The following MBD5 variants were observed in gnomAD, a reference collection of about 807,000 sequenced individuals.
MBD5 encodes the protein methyl-CpG binding domain protein 5.
MBD5 carries 13 observed loss-of-function variants against 117.3 expected under a neutral mutation model. That is an observed-to-expected ratio of 0.11 (90% CI 0.07 to 0.18). The LOEUF (loss-of-function observed/expected upper bound fraction) is 0.18. MBD5 is among the 10% of genes least tolerant of loss of function. The pLI is 1.00. For synonymous variants in MBD5, 727 were observed against 766.4 expected, an observed-to-expected ratio of 0.95 and a Z score of 0.85; for missense variants, 1,879 against 2,093.8, an observed-to-expected ratio of 0.90 and a Z score of 2.00.
At chr2:148,057,222 T>G (rs1219408070) in intron 1 of MBD5, among the ~76,000 whole-genome samples, 1 of 151,896 alleles carries the variant, frequency 6.6e-6, no homozygotes, top group Non-Finnish European at 1.5e-5. Context: ...TTTGTAACTG[T>G]CTTTTCTGCC....
intron 4 of MBD5, among the ~76,000 whole-genome samples, chr2:148,373,358 T>C (rs1294826905): frequency 6.6e-6 from 1 of 152,114 alleles, no homozygotes; most frequent in Non-Finnish European, 1.5e-5. Flanking sequence ...GAAGTGCATA[T>C]TGAATAACCA....
At chr2:148,291,338 G>C (rs1434142695) in intron 3 of MBD5, among the ~76,000 whole-genome samples, 1 of 152,116 alleles carries the variant, frequency 6.6e-6, no homozygotes, top group East Asian at 1.9e-4. Context: ...ATGAACATGA[G>C]ATGTCTTTGT....
intron 3 of MBD5, among the ~76,000 whole-genome samples, chr2:148,303,845 T>C (rs1176679831): frequency 6.6e-6 from 1 of 152,166 alleles, no homozygotes; most frequent in Non-Finnish European, 1.5e-5. Context: ...TGTAAGAAAA[T>C]ATTTACTGGT....
chr2:148,142,031 C>A (rs1697329728), intron 1 of MBD5, among the ~76,000 whole-genome samples: 1 of 151,718 alleles, frequency 6.6e-6, no homozygotes, highest in South Asian at 2.1e-4. Context: ...TGGAAGAAAA[C>A]CTATGGAGAA....
chr2:148,483,236 A>T lies in MBD5; in HGVS notation c.2645A>T (p.Gln882Leu), dbSNP rs151173122. 48 of 1,614,108 alleles carry T rather than the reference A, an allele frequency of 3.0e-5. No homozygotes were observed. Among genetic ancestry groups the T allele is most frequent in the Non-Finnish European group, 3.7e-5 (44 of 1,180,020 alleles). ...GCAGCTGGAAACCCACTGCAGAGTC[A>T]GCTACCCATTGGGAGTGATTTTCCT... ...TTAAGNPLQS[Q>L]LPIGSDFPFV... Residue 882 changes from glutamine (Q) to leucine (L), a missense_variant, in exon 9 of 14, where the codon CAG (glutamine) becomes CTG (leucine). Physicochemically the swap from Gln to Leu is moderately radical, Grantham distance 113. Around this residue, in one of 4 missense-constraint regions of MBD5, gnomAD observed 1,666 missense variants for 1,792.2 expected, o/e 0.93. Transcript: ENST00000642680.
At chr2:148,281,534 T>C (rs1367964411) in intron 3 of MBD5, among the ~76,000 whole-genome samples, 1 of 152,156 alleles carries the variant, frequency 6.6e-6, no homozygotes, top group African/African-American at 2.4e-5. Context: ...CTTATTTTTA[T>C]GTTTTCTGAT....
intron 4 of MBD5, among the ~76,000 whole-genome samples, chr2:148,389,950 T>C (rs976255670): frequency 7.2e-5 from 11 of 152,214 alleles, no homozygotes; most frequent in African/African-American, 2.4e-4. Flanking sequence ...TGTCTGTTTT[T>C]GTTTCTGTCG....
intron 3 of MBD5, among the ~76,000 whole-genome samples, chr2:148,306,390 C>T (rs922170202): frequency 1.3e-5 from 2 of 152,262 alleles, no homozygotes; most frequent in Admixed American, 6.5e-5. Flanking sequence ...TATGCCATTC[C>T]AGTCAAAGCC....
chr2:148,265,390 A>C (rs1392186059), intron 3 of MBD5, among the ~76,000 whole-genome samples: 1 of 152,150 alleles, frequency 6.6e-6, no homozygotes, highest in African/African-American at 2.4e-5. Context: ...CATCTTTTTA[A>C]AATTCACAAT....
intron 4 of MBD5, among the ~76,000 whole-genome samples, chr2:148,379,807 A>T (rs186730661): frequency 9.2e-5 from 14 of 152,234 alleles, no homozygotes; most frequent in Admixed American, 7.2e-4. Flanking sequence ...ACCCACTAAG[A>T]GATTATAATC....
intron 2 of MBD5, among the ~76,000 whole-genome samples, chr2:148,222,685 A>G (rs1699720072): frequency 6.6e-6 from 1 of 151,696 alleles, no homozygotes; most frequent in Admixed American, 6.6e-5. Flanking sequence ...GGGTCTTTAC[A>G]TTTTTCCAAA....
chr2:148,269,138 T>C (rs1240791622), intron 3 of MBD5, among the ~76,000 whole-genome samples: 1 of 152,066 alleles, frequency 6.6e-6, no homozygotes, highest in Non-Finnish European at 1.5e-5. Flanking sequence ...GTTGTATTTG[T>C]CTTTAAAAGG....
intron 11 of MBD5, among the ~76,000 whole-genome samples, chr2:148,494,244 A>G (rs756351733): frequency 2.6e-5 from 4 of 152,214 alleles, no homozygotes; most frequent in Non-Finnish European, 5.9e-5. Flanking sequence ...TATAAGGATT[A>G]CAGTCAATGA....
chr2:148,486,289 C>T (rs1681338518), intron 10 of MBD5, among the ~76,000 whole-genome samples: 1 of 152,112 alleles, frequency 6.6e-6, no homozygotes, highest in African/African-American at 2.4e-5. Context: ...TCAGCTCTCA[C>T]CACTCTTCCC....
At chr2:148,340,869 CACACACAT>C (rs1305073703) in intron 3 of MBD5, among the ~76,000 whole-genome samples, 2 of 150,510 alleles carry the variant, frequency 1.3e-5, no homozygotes, top group Non-Finnish European at 1.5e-5. Context: ...CACACACACA[CACACACAT>C]AGCATTTATT....
At chr2:148,183,057 G>A (rs984021633) in intron 2 of MBD5, among the ~76,000 whole-genome samples, 1 of 152,126 alleles carries the variant, frequency 6.6e-6, no homozygotes, top group Non-Finnish European at 1.5e-5. Context: ...ATAATGCCCT[G>A]AATTGACTTC....
chr2:148,134,478 C>G (rs1304973185), intron 1 of MBD5, among the ~76,000 whole-genome samples: 2 of 152,014 alleles, frequency 1.3e-5, no homozygotes, highest in African/African-American at 4.8e-5. Flanking sequence ...GCTTTGTATT[C>G]TGATATTCAT....
chr2:148,060,605 C>G (rs541336204), intron 1 of MBD5, among the ~76,000 whole-genome samples: 35 of 152,140 alleles, frequency 2.3e-4, no homozygotes, highest in African/African-American at 7.9e-4. Flanking sequence ...TTTTAGTATT[C>G]TTAAGAATGC....
At chr2:148,144,672 C>T (rs1272840848) in intron 1 of MBD5, among the ~76,000 whole-genome samples, 2 of 152,210 alleles carry the variant, frequency 1.3e-5, no homozygotes, top group African/African-American at 4.8e-5. Context: ...ATATGGCTAG[C>T]TACTTTTCCC....
Sources: allele counts gnomAD v4.1 joint callset (sites outside exome capture counted in the v4.1 genomes callset), GRCh38; gene constraint gnomAD v4.1.1; regional missense constraint gnomAD v4.1.1; transcripts MANE v1.5; gene names NCBI Gene and HGNC (gene_info 2026-07-23, HGNC 2026-07-21).